Variants in SPTLC2 observed in about 807,000 individuals in gnomAD.
The protein encoded by SPTLC2 is serine palmitoyltransferase long chain base subunit 2.
In SPTLC2, 21 loss-of-function variants were observed where a neutral mutation model predicts 62.0. The ratio of observed to expected loss-of-function variants is 0.34; its 90% CI spans 0.24 to 0.49. The LOEUF (loss-of-function observed/expected upper bound fraction) is 0.49. Ranked by LOEUF, SPTLC2 falls within the 20% of genes least tolerant of loss-of-function variation. The pLI is 0.99. For synonymous variants in SPTLC2, 261 were observed against 261.8 expected (o/e 1.00, Z 0.03); for missense variants, 511 against 713.0 (o/e 0.72, Z 3.23).
chr14:77,527,095 C>CT (rs11342711), intron 9 of SPTLC2, among the ~76,000 whole-genome samples: 87 of 136,938 alleles, frequency 6.4e-4, no homozygotes, highest in African/African-American at 6.5e-4. Context: ...CGCCCGGCCT[C>CT]TTTTTTTTTT....
intron 9 of SPTLC2, 75 bp downstream of exon 9, chr14:77,552,021 A>G: frequency 1.3e-6 from 2 of 1,583,968 alleles, no homozygotes; most frequent in Non-Finnish European, 1.7e-6. Context: ...TTATTTTAGG[A>G]AAAAAGCTCA....
At chr14:77,598,287 C>T (rs945303157) in intron 1 of SPTLC2, among the ~76,000 whole-genome samples, 4 of 152,134 alleles carry the variant, frequency 2.6e-5, no homozygotes, top group African/African-American at 9.7e-5. Flanking sequence ...CCACCTAACA[C>T]TGATTTTTAT....
At chr14:77,588,315 T>C (rs548970068) in intron 2 of SPTLC2, among the ~76,000 whole-genome samples, 1 of 152,286 alleles carries the variant, frequency 6.6e-6, no homozygotes, top group East Asian at 1.9e-4. Context: ...GACAAAGTTG[T>C]TTCAAAACTT....
intron 4 of SPTLC2, among the ~76,000 whole-genome samples, chr14:77,573,678 A>AGGGCAGTG (rs1464533110): frequency 1.3e-5 from 2 of 152,084 alleles, no homozygotes; most frequent in Non-Finnish European, 2.9e-5. Flanking sequence ...GCCCAGGTGG[A>AGGGCAGTG]GTGCAGTGGT....
At chr14:77,582,867 G>C (rs1374129692) in intron 2 of SPTLC2, among the ~76,000 whole-genome samples, 1 of 152,152 alleles carries the variant, frequency 6.6e-6, no homozygotes, top group Admixed American at 6.5e-5. Context: ...CTAAGCTCCA[G>C]GGTAGTAGCT....
intron 1 of SPTLC2, among the ~76,000 whole-genome samples, chr14:77,608,735 CA>C (rs1595020145): frequency 6.6e-6 from 1 of 152,028 alleles, no homozygotes; most frequent in East Asian, 1.9e-4. Context: ...AAAAGCTTTC[CA>C]GGCTGAGGTA....
At chr14:77,564,797 A>T (rs2079635606) in intron 5 of SPTLC2, among the ~76,000 whole-genome samples, 1 of 152,096 alleles carries the variant, frequency 6.6e-6, no homozygotes, top group Admixed American at 6.6e-5. Flanking sequence ...AAAAGAAGCA[A>T]TTGTGTTGAA....
intron 6 of SPTLC2, among the ~76,000 whole-genome samples, chr14:77,557,904 C>A (rs564876361): frequency 2.6e-4 from 40 of 152,024 alleles, no homozygotes; most frequent in Non-Finnish European, 5.0e-4. Flanking sequence ...AAGACAAATG[C>A]TTTGAAGACC....
At chr14:77,535,931 A>T (rs936994998) in intron 9 of SPTLC2, 1 of 455,220 alleles carries the variant, frequency 2.2e-6, no homozygotes, top group Non-Finnish European at 4.4e-6. Context: ...TGGTGACTAA[A>T]TACAGGGGAT....
intron 5 of SPTLC2, among the ~76,000 whole-genome samples, chr14:77,569,760 A>G (rs903310512): frequency 8.6e-5 from 9 of 105,122 alleles, no homozygotes; most frequent in African/African-American, 2.8e-4. Context: ...TTGGGGATAT[A>G]TATATTATAT....
intron 2 of SPTLC2, among the ~76,000 whole-genome samples, chr14:77,583,467 C>T (rs2079764594): frequency 6.6e-6 from 1 of 152,048 alleles, no homozygotes; most frequent in Admixed American, 6.6e-5. Flanking sequence ...GTACTCGATA[C>T]ATACTGGGTT....
chr14:77,603,537 G>C (rs1053586385), intron 1 of SPTLC2, among the ~76,000 whole-genome samples: 1 of 152,226 alleles, frequency 6.6e-6, no homozygotes, highest in African/African-American at 2.4e-5. Flanking sequence ...ATGTCCAGAA[G>C]TGTCTCCTTT....
chr14:77,557,080 G>T lies in SPTLC2; in HGVS notation c.917C>A (p.Pro306His). 1 of 1,613,884 alleles carries T rather than the reference G, an allele frequency of 6.2e-7. No individual in the cohort carries two copies. The highest frequency in any genetic ancestry group is 8.5e-7 in the Non-Finnish European group (1 of 1,180,012). Residue 306 changes from proline to histidine, a missense_variant, in exon 7 of 12, where the codon CCC becomes CAC. Transcript: ENST00000216484. ...CACAAGGATGAGAATTTTCTTCCAGGGCCTTCGTGTCCGAGGCTGACCATA... is the reference window on the plus strand; with the variant it reads ...CACAAGGATGAGAATTTTCTTCCAGTGCCTTCGTGTCCGAGGCTGACCATA... The part of the protein sequence containing the change: ...IVYGQPRTRR[P>H]WKKILILVEG...
At chr14:77,519,205 G>A (rs1410388934) in intron 10 of SPTLC2, among the ~76,000 whole-genome samples, 1 of 151,778 alleles carries the variant, frequency 6.6e-6, no homozygotes, top group East Asian at 2.0e-4. Context: ...ACACCCAGAT[G>A]ATTTTCGTAT....
chr14:77,534,268 A>G (rs1247201501), intron 9 of SPTLC2, among the ~76,000 whole-genome samples: 1 of 151,772 alleles, frequency 6.6e-6, no homozygotes, highest in Non-Finnish European at 1.5e-5. Context: ...AATTTGTTCC[A>G]CTTCATATTA....
At chr14:77,512,607 G>A (rs1270143164) in intron 11 of SPTLC2, among the ~76,000 whole-genome samples, 6 of 152,232 alleles carry the variant, frequency 3.9e-5, no homozygotes, top group Non-Finnish European at 8.8e-5. Context: ...TGAATAATGG[G>A]TTGTGAATAG....
chr14:77,512,533 A>G (rs926664679), intron 11 of SPTLC2, 130 bp from the exon 12 acceptor site: 75 of 1,361,450 alleles, frequency 5.5e-5, no homozygotes, highest in Middle Eastern at 3.7e-4. Flanking sequence ...GTGCATTTAC[A>G]AGATCAGACT....
In SPTLC2 at chr14:77,562,428, G is replaced by A. The variant is rs1170375783; in HGVS notation, c.818C>T (p.Ser273Leu). The A allele has an allele frequency of 6.2e-7, 1 of 1,614,068 alleles. No individual in the cohort carries two copies. Among genetic ancestry groups the A allele is most frequent in the Non-Finnish European group, 8.5e-7 (1 of 1,180,016 alleles). ...HASLVLGARLSGATIRIFKHN... is the reference protein window; with the variant it reads ...HASLVLGARLLGATIRIFKHN... The stretch of plus-strand genomic sequence containing the variant: ...TTTGAAGATTCTAATGGTTGCTCCT[G>A]ACAGTCTGGCTCCCAGAACCAGTGA... Residue 273 changes from serine to leucine, a missense_variant, in exon 6 of 12, where the codon TCA becomes TTA. Transcript: ENST00000216484.
rs947759055 is a variant in SPTLC2, at chr14:77,616,637, T to C, written c.-58A>G. ...TGTAGGCGGTGGCAGCGGCGGCGGC[T>C]GCTCCAAGTCCCGCTCCGCACCCCA... On this transcript the variant is annotated 5_prime_UTR_variant, in exon 1 of 12. Transcript: ENST00000216484. The C allele has an allele frequency of 2.7e-5, 40 of 1,503,122 alleles. No homozygotes were observed. The highest frequency in any genetic ancestry group is 5.9e-5 in the Admixed American group (3 of 50,720). The allele number at this position is 1,503,122 out of a possible 1,614,324, so 93.1% of individuals were successfully genotyped here.
Sources: gnomAD v4.1 joint callset for allele counts (sites outside exome capture counted in the v4.1 genomes callset) on GRCh38, gnomAD v4.1.1 for gene constraint, MANE v1.5 for transcripts, NCBI Gene and HGNC (gene_info 2026-07-23, HGNC 2026-07-21) for gene names.